SHC4: variants seen among roughly 807,000 people sequenced by gnomAD.
The protein encoded by SHC4 is SHC adaptor protein 4, also known as SHC-transforming protein 4.
A neutral mutation model predicts 69.4 loss-of-function variants in SHC4; 41 were observed. The ratio of observed to expected loss-of-function variants is 0.59; its 90% CI spans 0.46 to 0.77. The LOEUF is 0.77. Ranked by LOEUF, SHC4 falls within the 30% of genes least tolerant of loss-of-function variation. The probability of loss-of-function intolerance (pLI) is 0.00; values close to 1 mark genes in which losing one functional copy is unlikely to be tolerated. For synonymous variants in SHC4, 318 were observed against 299.3 expected (o/e 1.06, Z -0.64); for missense variants, 777 against 783.8 (o/e 0.99, Z 0.10).
At chr15:48,929,645 T>C (rs905809454) in intron 1 of SHC4, among the ~76,000 whole-genome samples, 3 of 152,146 alleles carry the variant, frequency 2.0e-5, no homozygotes, top group Admixed American at 6.5e-5. Flanking sequence ...CGGTGAACAG[T>C]GTCGAGACGG....
intron 2 of SHC4, among the ~76,000 whole-genome samples, chr15:48,914,485 C>T (rs570540251): frequency 1.3e-5 from 2 of 152,288 alleles, no homozygotes; most frequent in South Asian, 2.1e-4. Flanking sequence ...ACTCTTTCAT[C>T]GTCTTATTCT....
intron 4 of SHC4, among the ~76,000 whole-genome samples, chr15:48,883,006 T>C (rs1446998187): frequency 6.6e-6 from 1 of 152,222 alleles, no homozygotes; most frequent in Non-Finnish European, 1.5e-5. Context: ...ATTAACACTT[T>C]TCCTCTAAGG....
At chr15:48,908,875 AT>A (rs1344549223) in intron 2 of SHC4, among the ~76,000 whole-genome samples, 4 of 152,014 alleles carry the variant, frequency 2.6e-5, no homozygotes, top group African/African-American at 9.7e-5. Flanking sequence ...ATTTGGATTT[AT>A]TTCTGGGTTT....
intron 1 of SHC4, among the ~76,000 whole-genome samples, chr15:48,935,081 T>C (rs1901041810): frequency 6.6e-6 from 1 of 152,090 alleles, no homozygotes; most frequent in Admixed American, 6.6e-5. Flanking sequence ...GGTATGTGAA[T>C]TACATCTCAA....
chr15:48,918,297 G>A (rs958947823), intron 2 of SHC4, among the ~76,000 whole-genome samples: 1 of 152,062 alleles, frequency 6.6e-6, no homozygotes, highest in Non-Finnish European at 1.5e-5. Flanking sequence ...TTTGATTTGA[G>A]TGTGGTGTCC....
At chr15:48,885,514 G>A (rs1333628457) in intron 3 of SHC4, among the ~76,000 whole-genome samples, 1 of 152,170 alleles carries the variant, frequency 6.6e-6, no homozygotes, top group Non-Finnish European at 1.5e-5. Context: ...TTTGATGGAT[G>A]CTTGGATTAA....
intron 11 of SHC4, among the ~76,000 whole-genome samples, chr15:48,828,879 T>C (rs1236019172): frequency 6.6e-6 from 1 of 152,210 alleles, no homozygotes; most frequent in Non-Finnish European, 1.5e-5. Flanking sequence ...TTTTTTGCTA[T>C]AGAGTTGTAG....
At chr15:48,945,221 C>T (rs544859423) in intron 1 of SHC4, among the ~76,000 whole-genome samples, 3 of 152,018 alleles carry the variant, frequency 2.0e-5, no homozygotes, top group African/African-American at 7.2e-5. Flanking sequence ...AAAATATAGT[C>T]AGATAAGTTC....
chr15:48,951,498 G>A (rs1216376927), intron 1 of SHC4, among the ~76,000 whole-genome samples: 1 of 151,990 alleles, frequency 6.6e-6, no homozygotes, highest in African/African-American at 2.4e-5. Flanking sequence ...AAAATCCAGT[G>A]GCTTTCTGGT....
intron 8 of SHC4, 23 bp from the exon 9 acceptor site, chr15:48,851,271 A>T (rs758267591): frequency 6.8e-6 from 11 of 1,611,534 alleles, no homozygotes; most frequent in Non-Finnish European, 9.3e-6. Flanking sequence ...CAAATTATGA[A>T]ACATTTACAA....
At position 48,867,821 on chromosome 15, in the gene SHC4, G is replaced by A. The variant is rs764449702; in HGVS notation, c.943C>T (p.Arg315Ter). ...ATCTGTAAGTTGCTTTCCATACCTCGTTGATTAACTGGATCTTTAGCTACG... is the reference window on the plus strand; with the variant it reads ...ATCTGTAAGTTGCTTTCCATACCTCATTGATTAACTGGATCTTTAGCTACG... ...AYVAKDPVNQ[R>*]ACHILECHNG... Residue 315 changes from arginine to a stop codon, truncating the protein, a stop_gained, in exon 6 of 12, where the codon CGA becomes TGA. Coordinates refer to ENST00000332408, the MANE Select transcript of SHC4 (RefSeq NM_203349.4). LOFTEE classifies it high-confidence loss of function. 7 of 1,613,362 alleles carry A rather than the reference G, an allele frequency of 4.3e-6. No individual in the cohort carries two copies. Among genetic ancestry groups the A allele is most frequent in the East Asian group, 2.2e-5 (1 of 44,824 alleles).
chr15:48,845,568 G>T (rs1298958617), intron 9 of SHC4, among the ~76,000 whole-genome samples: 2 of 152,192 alleles, frequency 1.3e-5, no homozygotes, highest in African/African-American at 2.4e-5. Flanking sequence ...TTACTGCAAA[G>T]AAATGAAGGA....
intron 1 of SHC4, among the ~76,000 whole-genome samples, chr15:48,940,400 C>G (rs8032381): frequency 0.019 from 2,862 of 152,262 alleles, 81 homozygotes; most frequent in African/African-American, 0.066. Context: ...ACAAATCTGA[C>G]TCAGCTTTCA....
At chr15:48,928,495 G>A (rs1168367303) in intron 1 of SHC4, among the ~76,000 whole-genome samples, 1 of 152,098 alleles carries the variant, frequency 6.6e-6, no homozygotes, top group African/African-American at 2.4e-5. Context: ...GACACCCAAG[G>A]CTGATCAAGT....
At chr15:48,874,292 A>G (rs1471014729) in intron 4 of SHC4, among the ~76,000 whole-genome samples, 1 of 152,176 alleles carries the variant, frequency 6.6e-6, no homozygotes, top group Non-Finnish European at 1.5e-5. Flanking sequence ...GATAAATCTG[A>G]CACCAAGCAG....
At chr15:48,875,460 T>C (rs920972857) in intron 4 of SHC4, among the ~76,000 whole-genome samples, 8 of 152,226 alleles carry the variant, frequency 5.3e-5, no homozygotes, top group Admixed American at 1.3e-4. Flanking sequence ...TGTCATGAAC[T>C]TTCAGGAGAG....
chr15:48,897,756 GACACACAC>G (rs138796905), intron 2 of SHC4, among the ~76,000 whole-genome samples: 11 of 138,974 alleles, frequency 7.9e-5, no homozygotes, highest in Non-Finnish European at 1.5e-4. Flanking sequence ...CCCACCTTCT[GACACACAC>G]ACACACACAC....
At chr15:48,912,515 C>T (rs771491571) in intron 2 of SHC4, among the ~76,000 whole-genome samples, 6 of 152,064 alleles carry the variant, frequency 3.9e-5, no homozygotes, top group Non-Finnish European at 8.8e-5. Context: ...TCTGGATTTC[C>T]TTGTATTGGG....
chr15:48,958,435 A>G (rs74014903), intron 1 of SHC4, among the ~76,000 whole-genome samples: 11,410 of 152,134 alleles, frequency 0.075, 1,478 homozygotes, highest in African/African-American at 0.26. Context: ...CTGGGCTCTC[A>G]GTGTCCTCAC....
Sources: allele counts gnomAD v4.1 joint callset (sites outside exome capture counted in the v4.1 genomes callset), GRCh38; gene constraint gnomAD v4.1.1; transcripts MANE v1.5; gene names NCBI Gene and HGNC (gene_info 2026-07-23, HGNC 2026-07-21).